Variants in SUPT3H observed in about 807,000 individuals in gnomAD.
SUPT3H encodes the protein SPT3 homolog, SAGA and STAGA complex component.
Under a neutral mutation model 44.3 loss-of-function variants are expected in SUPT3H, and 44 were observed. The ratio of observed to expected loss-of-function variants is 0.99; its 90% CI spans 0.78 to 1.28. SUPT3H has a LOEUF of 1.28. SUPT3H is among the 50% of genes most tolerant of loss of function. The probability of loss-of-function intolerance (pLI) is 0.00; values close to 1 mark genes in which losing one functional copy is unlikely to be tolerated. For synonymous variants in SUPT3H, 124 were observed against 125.6 expected (o/e 0.99, Z 0.09); for missense variants, 380 against 387.1 (o/e 0.98, Z 0.15).
chr6:45,037,786 A>G (rs1787905611), intron 3 of SUPT3H, among the ~76,000 whole-genome samples: 1 of 151,756 alleles, frequency 6.6e-6, no homozygotes, highest in Admixed American at 6.6e-5. Context: ...CCTGGGCAAC[A>G]AGAGCGAAAC....
At chr6:45,217,537 A>G (rs1453134985) in intron 2 of SUPT3H, among the ~76,000 whole-genome samples, 1 of 152,142 alleles carries the variant, frequency 6.6e-6, no homozygotes, top group Non-Finnish European at 1.5e-5. Flanking sequence ...AATAAGTCAC[A>G]TGTATGTATA....
intron 2 of SUPT3H, among the ~76,000 whole-genome samples, chr6:45,363,621 C>T (rs552053680): frequency 6.6e-5 from 10 of 151,902 alleles, no homozygotes; most frequent in Admixed American, 3.9e-4. Context: ...ACATAATTAA[C>T]ATAACACAAC....
chr6:45,210,826 C>A (rs1037297373), intron 2 of SUPT3H, among the ~76,000 whole-genome samples: 5 of 152,126 alleles, frequency 3.3e-5, no homozygotes, highest in Non-Finnish European at 4.4e-5. Context: ...GACTTCATTG[C>A]GGTGGTCTGG....
At chr6:45,209,550 T>A (rs188997242) in intron 2 of SUPT3H, among the ~76,000 whole-genome samples, 2 of 152,236 alleles carry the variant, frequency 1.3e-5, no homozygotes, top group Admixed American at 6.5e-5. Flanking sequence ...GTGACTAAAG[T>A]GCTGCAATCT....
At chr6:45,250,828 C>CA (rs1012196885) in intron 2 of SUPT3H, 9 of 146,554 alleles carry the variant, frequency 6.1e-5, no homozygotes, top group Admixed American at 4.8e-4. Flanking sequence ...ATAAGACTGC[C>CA]TTTTTTTTTT....
At chr6:45,136,356 A>G (rs981566904) in intron 2 of SUPT3H, among the ~76,000 whole-genome samples, 2 of 152,206 alleles carry the variant, frequency 1.3e-5, no homozygotes, top group African/African-American at 4.8e-5. Context: ...ACCCCAAAGG[A>G]AGAAAAAAGT....
At chr6:44,887,646 A>T (rs1411544474) in intron 10 of SUPT3H, among the ~76,000 whole-genome samples, 1 of 151,778 alleles carries the variant, frequency 6.6e-6, no homozygotes, top group Non-Finnish European at 1.5e-5. Context: ...TATAGCACTA[A>T]ATGCCCACAA....
intron 2 of SUPT3H, among the ~76,000 whole-genome samples, chr6:45,354,902 G>C (rs1027946570): frequency 6.6e-6 from 1 of 152,032 alleles, no homozygotes; most frequent in African/African-American, 2.4e-5. Flanking sequence ...TATAATATGG[G>C]CTTTTGGTAT....
At chr6:44,916,779 G>A (rs1767870681) in intron 10 of SUPT3H, among the ~76,000 whole-genome samples, 1 of 152,128 alleles carries the variant, frequency 6.6e-6, no homozygotes, top group Non-Finnish European at 1.5e-5. Flanking sequence ...CTTTAAGCAT[G>A]TTCTATGTTA....
intron 2 of SUPT3H, among the ~76,000 whole-genome samples, chr6:45,287,008 C>T (rs1219981594): frequency 6.6e-6 from 1 of 151,996 alleles, no homozygotes. Flanking sequence ...AACCAAACAC[C>T]ACATGTTCTC....
chr6:45,356,429 A>G (rs904036902), intron 2 of SUPT3H, among the ~76,000 whole-genome samples: 2 of 151,552 alleles, frequency 1.3e-5, no homozygotes, highest in African/African-American at 4.9e-5. Flanking sequence ...ACAGAGTCTC[A>G]CTCTGTCACC....
rs1768017923 is a variant in SUPT3H, at chr6:44,828,390, T to C, written c.*1426A>G. 6.6e-6 allele frequency among the ~76,000 whole-genome samples: 1 copy of C among 152,170 alleles called. No individual in the cohort carries two copies. The highest frequency in any genetic ancestry group is 6.6e-5 in the Admixed American group (1 of 15,262). ...GAAATGCAAATTTTTTCTAAAAAGA[T>C]TAACATAGAGCAGGTAAATGACAGT... On this transcript the variant is annotated 3_prime_UTR_variant, in exon 11 of 11. Transcript: ENST00000371459.
At chr6:44,955,826 A>G (rs1261117098) in intron 7 of SUPT3H, among the ~76,000 whole-genome samples, 3 of 152,114 alleles carry the variant, frequency 2.0e-5, no homozygotes, top group South Asian at 2.1e-4. Flanking sequence ...AATTGCTACT[A>G]AAGATTCATG....
At chr6:45,333,683 A>C (rs1031608766) in intron 2 of SUPT3H, among the ~76,000 whole-genome samples, 42 of 151,534 alleles carry the variant, frequency 2.8e-4, no homozygotes, top group African/African-American at 9.2e-4. Flanking sequence ...TATAAAAAAC[A>C]ATCCCCAAAT....
intron 2 of SUPT3H, among the ~76,000 whole-genome samples, chr6:45,292,999 T>C (rs1780559508): frequency 6.6e-6 from 1 of 151,980 alleles, no homozygotes; most frequent in African/African-American, 2.4e-5. Context: ...AGCAGATATA[T>C]ACAGAACATT....
At position 44,826,776 on chromosome 6, in the gene SUPT3H, G is replaced by A. The variant is rs1767794144; in HGVS notation, c.*3040C>T. 6.6e-6 allele frequency among the ~76,000 whole-genome samples: 1 copy of A among 152,068 alleles called. No homozygotes were observed. The highest frequency in any genetic ancestry group is 2.1e-4 in the South Asian group (1 of 4,828). On this transcript the variant is annotated 3_prime_UTR_variant, in exon 11 of 11. Transcript: ENST00000371459. The stretch of plus-strand genomic sequence containing the variant: ...GTTATGTTTATTTGTCTTCTACATG[G>A]TAAAAGCATCAGACATGGCTTGTTT...
At chr6:45,268,106 T>G (rs1775543044) in intron 2 of SUPT3H, among the ~76,000 whole-genome samples, 1 of 152,282 alleles carries the variant, frequency 6.6e-6, no homozygotes, top group Non-Finnish European at 1.5e-5. Context: ...AAAAAACAAA[T>G]GAAATCATTA....
intron 2 of SUPT3H, among the ~76,000 whole-genome samples, chr6:45,138,237 C>T (rs1431932103): frequency 6.6e-6 from 1 of 152,096 alleles, no homozygotes; most frequent in East Asian, 1.9e-4. Flanking sequence ...TCAAAATCCT[C>T]ATATATTGCT....
intron 2 of SUPT3H, among the ~76,000 whole-genome samples, chr6:45,229,167 A>G (rs1436130395): frequency 2.0e-5 from 3 of 152,126 alleles, no homozygotes; most frequent in Non-Finnish European, 2.9e-5. Flanking sequence ...GTTATTTGAA[A>G]TATTACTTAC....
Sources: allele counts gnomAD v4.1 joint callset (sites outside exome capture counted in the v4.1 genomes callset), GRCh38; gene constraint gnomAD v4.1.1; transcripts MANE v1.5; gene names NCBI Gene and HGNC (gene_info 2026-07-23, HGNC 2026-07-21).